Variants in GRHL2 observed in about 807,000 individuals in gnomAD.
The protein encoded by GRHL2 is grainyhead-like protein 2 homolog.
GRHL2 carries 21 observed loss-of-function variants against 83.8 expected under a neutral mutation model. The observed-to-expected ratio is 0.25, with a 90% CI of 0.18 to 0.36. The LOEUF (loss-of-function observed/expected upper bound fraction) is 0.36. Among genes scored for constraint, GRHL2 ranks in the 10% least tolerant of loss-of-function variants. The pLI is 1.00. For synonymous variants in GRHL2, 280 were observed against 278.9 expected, an observed-to-expected ratio of 1.00 and a Z score of -0.04; for missense variants, 623 against 781.8, an observed-to-expected ratio of 0.80 and a Z score of 2.42.
At chr8:101,592,261 C>T (rs1354294281) in intron 7 of GRHL2, among the ~76,000 whole-genome samples, 1 of 151,830 alleles carries the variant, frequency 6.6e-6, no homozygotes, top group Non-Finnish European at 1.5e-5. Context: ...CCCACAACCA[C>T]GCCCGGCTAA....
intron 7 of GRHL2, among the ~76,000 whole-genome samples, chr8:101,597,393 C>T (rs374276469): frequency 1.3e-5 from 2 of 151,998 alleles, no homozygotes; most frequent in African/African-American, 2.4e-5. Flanking sequence ...ATGTTTATTG[C>T]GGCACTATTC....
chr8:101,538,472 C>G (rs977774333), intron 1 of GRHL2, among the ~76,000 whole-genome samples: 30 of 152,144 alleles, frequency 2.0e-4, no homozygotes, highest in African/African-American at 7.2e-4. Context: ...ATGGCCTTAG[C>G]CTTGCTGTGA....
chr8:101,508,005 C>G (rs964732316), intron 1 of GRHL2, among the ~76,000 whole-genome samples: 8 of 151,926 alleles, frequency 5.3e-5, no homozygotes, highest in African/African-American at 1.7e-4. Context: ...AGGCTGGTCT[C>G]GAACTCCTGG....
chr8:101,511,275 A>G (rs1311508636), intron 1 of GRHL2, among the ~76,000 whole-genome samples: 1 of 152,238 alleles, frequency 6.6e-6, no homozygotes, highest in Non-Finnish European at 1.5e-5. Flanking sequence ...ATAGAAGCGG[A>G]ACCTTTGGGG....
At chr8:101,562,340 C>G (rs1235126644) in intron 4 of GRHL2, 8 of 655,768 alleles carry the variant, frequency 1.2e-5, no homozygotes, top group African/African-American at 9.1e-5. Flanking sequence ...CTTTGGTTCA[C>G]CTAGCTTTGG....
chr8:101,627,197 A>G (rs1175950216), intron 9 of GRHL2, among the ~76,000 whole-genome samples: 2 of 152,088 alleles, frequency 1.3e-5, no homozygotes, highest in South Asian at 2.1e-4. Flanking sequence ...TTCACAGAAA[A>G]CAAATTTTTA....
intron 1 of GRHL2, among the ~76,000 whole-genome samples, chr8:101,502,407 G>C (rs541009500): frequency 2.0e-5 from 3 of 152,234 alleles, no homozygotes; most frequent in Non-Finnish European, 4.4e-5. Context: ...CAAAATCAAC[G>C]GTGGTCTGAT....
chr8:101,557,746 G>C (rs976226307), intron 3 of GRHL2, among the ~76,000 whole-genome samples: 1 of 152,092 alleles, frequency 6.6e-6, no homozygotes, highest in Non-Finnish European at 1.5e-5. Flanking sequence ...AGGTCAGTAG[G>C]ATGTGCTGCA....
intron 9 of GRHL2, among the ~76,000 whole-genome samples, chr8:101,622,662 G>A (rs191040931): frequency 1.1e-4 from 17 of 152,208 alleles, no homozygotes; most frequent in Non-Finnish European, 1.9e-4. Flanking sequence ...TTAGTAGCCA[G>A]TTCACTATTG....
At chr8:101,493,499 G>A (rs1484389602) in intron 1 of GRHL2, among the ~76,000 whole-genome samples, 12 of 146,966 alleles carry the variant, frequency 8.2e-5, no homozygotes, top group Non-Finnish European at 1.8e-4. Context: ...TGCCCGGGGG[G>A]AAAGGACGGT....
chr8:101,679,927 G>A, the GRHL2 span, among the ~76,000 whole-genome samples: 13 of 123,814 alleles, frequency 1.0e-4, no homozygotes, highest in East Asian at 2.4e-4. Flanking sequence ...TGAAGGAAGC[G>A]CTAAACATGG....
intron 7 of GRHL2, among the ~76,000 whole-genome samples, chr8:101,590,770 A>T (rs1208991288): frequency 6.6e-6 from 1 of 152,198 alleles, no homozygotes; most frequent in South Asian, 2.1e-4. Context: ...AGCTTTTGTT[A>T]AAAGCATCTT....
At chr8:101,658,058 C>T (rs1056223543) in intron 14 of GRHL2, among the ~76,000 whole-genome samples, 2 of 152,170 alleles carry the variant, frequency 1.3e-5, no homozygotes, top group Non-Finnish European at 2.9e-5. Context: ...TGCCTGGTCT[C>T]ACTTTCCAGG....
chr8:101,659,638 C>T lies in GRHL2; in HGVS notation c.1699-4816C>T, dbSNP rs1366100909. Among the ~76,000 whole-genome samples the T allele has an allele frequency of 6.6e-5, 10 of 152,184 alleles. No individual in the cohort carries two copies. In the East Asian group the frequency reaches 1.7e-3, roughly 26 times the overall value. On this transcript the variant is annotated intron_variant, in intron 14 of 15. Coordinates refer to ENST00000646743, the MANE Select transcript of GRHL2 (RefSeq NM_024915.4). ...GCCCTCTGGATGCAGAACCAGCTCCCCTTGGCAATTCCCTTTTAATTTGCA... is the reference window on the plus strand; with the variant it reads ...GCCCTCTGGATGCAGAACCAGCTCCTCTTGGCAATTCCCTTTTAATTTGCA...
intron 1 of GRHL2, among the ~76,000 whole-genome samples, chr8:101,508,593 A>G (rs945801834): frequency 6.6e-5 from 10 of 152,108 alleles, no homozygotes; most frequent in Admixed American, 2.0e-4. Flanking sequence ...AACAATCCCC[A>G]ATTCACAGCC....
chr8:101,542,175 A>G (rs150273028), intron 1 of GRHL2, among the ~76,000 whole-genome samples: 327 of 152,354 alleles, frequency 2.1e-3, no homozygotes, highest in African/African-American at 6.5e-3. Context: ...TTCAATAATC[A>G]TTAGCATATT....
At chr8:101,661,913 G>A (rs1268507318) in intron 14 of GRHL2, among the ~76,000 whole-genome samples, 3 of 152,210 alleles carry the variant, frequency 2.0e-5, no homozygotes, top group African/African-American at 7.2e-5. Context: ...TGTCCAGGAA[G>A]TTCCAGGATG....
At chr8:101,540,767 G>A (rs1441899197) in intron 1 of GRHL2, among the ~76,000 whole-genome samples, 2 of 152,092 alleles carry the variant, frequency 1.3e-5, no homozygotes, top group Non-Finnish European at 2.9e-5. Flanking sequence ...AGGAATGTCA[G>A]CAAAAATAGA....
rs1812351238 is a variant in GRHL2 at position 101,594,408 on chromosome 8, G to T, written c.1004-4649G>T. 2.0e-5 allele frequency among the ~76,000 whole-genome samples: 3 copies of T among 152,182 alleles called. No individual in the cohort carries two copies. The South Asian group carries it at 6.2e-4, about 32-fold the overall frequency. Reference sequence around the variant, plus strand: ...TTCTTGAGGAAATAAGTTGAGGAAGGCTCAACACCAGGTTACTGAGTTTCC... The same window carrying T: ...TTCTTGAGGAAATAAGTTGAGGAAGTCTCAACACCAGGTTACTGAGTTTCC... On this transcript the variant is annotated intron_variant, in intron 7 of 15. Transcript: ENST00000646743.
Sources: allele counts gnomAD v4.1 joint callset (sites outside exome capture counted in the v4.1 genomes callset), GRCh38; gene constraint gnomAD v4.1.1; transcripts MANE v1.5; gene names NCBI Gene and HGNC (gene_info 2026-07-23, HGNC 2026-07-21).